Variants in ANKRD7 observed in about 807,000 individuals in gnomAD.
ANKRD7 encodes ankyrin repeat domain-containing protein 7.
In ANKRD7, 30 loss-of-function variants were observed where a neutral mutation model predicts 30.8. The ratio of observed to expected loss-of-function variants is 0.97; its 90% CI spans 0.73 to 1.32. The LOEUF (loss-of-function observed/expected upper bound fraction) is 1.32. ANKRD7 is among the 40% of genes most tolerant of loss of function. The pLI, the probability that ANKRD7 is intolerant of heterozygous loss-of-function variation, is 0.00. For synonymous variants in ANKRD7, 97 were observed against 106.6 expected (o/e 0.91, Z 0.55); for missense variants, 264 against 295.7 (o/e 0.89, Z 0.79).
Position 118,232,987 on chromosome 7 carries a change from ACTC to A in ANKRD7, c.180-1441_180-1439del, listed in dbSNP as rs571677007. The stretch of plus-strand genomic sequence containing the variant: ...TATGTTTGGATTGAGGGCTCTGAAA[ACTC>A]CTATTACATAAGGAATTTCATCCTT... On this transcript the variant is annotated intron_variant, in intron 1 of 6. Transcript: ENST00000265224. Among the ~76,000 whole-genome samples, 1,195 of 151,822 alleles carry A rather than the reference ACTC, an allele frequency of 7.9e-3. 5 individuals carry two copies. The highest frequency in any genetic ancestry group is 0.014 in the Non-Finnish European group (917 of 67,908).
At chr7:118,239,800 T>C (rs937921070) in intron 5 of ANKRD7, 109 bp from the exon 6 acceptor site, 2 of 541,136 alleles carry the variant, frequency 3.7e-6, no homozygotes, top group Non-Finnish European at 6.2e-6. Context: ...TCAAGTGTGT[T>C]ACATTCTTGG....
At position 118,234,813 on chromosome 7, in the gene ANKRD7, A is replaced by G. The variant is rs1232393953; in HGVS notation, c.407A>G (p.Gln136Arg). Residue 136 changes from glutamine to arginine, a missense_variant, in exon 3 of 7, where the codon CAA (glutamine) becomes CGA (arginine). Gln to Arg is a conservative substitution (Grantham distance 43). Coordinates refer to ENST00000265224, the MANE Select transcript of ANKRD7 (RefSeq NM_019644.4). ...NTVLHYAVCG[Q>R]SLSLVEKLLE... Reference sequence around the variant, plus strand: ...GTTCTTCACTATGCTGTTTGTGGTCAAAGTTTGTCATTAGTTGAAAAACTG... The same window carrying G: ...GTTCTTCACTATGCTGTTTGTGGTCGAAGTTTGTCATTAGTTGAAAAACTG... The G allele has an allele frequency of 1.9e-6, 3 of 1,612,596 alleles. No individual in the cohort carries two copies. The highest frequency in any genetic ancestry group is 1.7e-6 in the Non-Finnish European group (2 of 1,179,638).
In ANKRD7 at chr7:118,232,720, T is replaced by TGTGTGTGTG. The variant is rs1562872732; in HGVS notation, c.180-1711_180-1710insGTGTGTGTG. 4.7e-3 allele frequency among the ~76,000 whole-genome samples: 679 copies of TGTGTGTGTG among 146,006 alleles called. 5 individuals are homozygous for TGTGTGTGTG. The highest frequency in any genetic ancestry group is 0.015 in the African/African-American group (604 of 40,166). On this transcript the variant is annotated intron_variant, in intron 1 of 6. Transcript: ENST00000265224. ...CTTTCTCTTAGTAAGAGCAGTGTGT[T>TGTGTGTGTG]TGTGTGTGTGTGTGTGTGTGTGTGT...
intron 3 of ANKRD7, among the ~76,000 whole-genome samples, 154 bp downstream of exon 3, chr7:118,235,028 T>A (rs1224069324): frequency 2.0e-5 from 3 of 152,176 alleles, no homozygotes; most frequent in Non-Finnish European, 4.4e-5. Context: ...CAAAAACTGA[T>A]AAAATATTTC....
rs1809693404 is a variant in ANKRD7, at chr7:118,234,499, G to C, written c.248G>C (p.Cys83Ser). 4.3e-6 allele frequency: 7 copies of C among 1,613,118 alleles called. No individual in the cohort carries two copies. Among genetic ancestry groups the C allele is most frequent in the Middle Eastern group, 1.7e-4 (1 of 5,962 alleles). ...DVVLFLIEQQ[C>S]KINVRDSENK... Reference sequence around the variant, plus strand: ...GTACTTTTCCTAATTGAGCAACAATGCAAAATAAATGTCCGGGATAGTGAA... The same window carrying C: ...GTACTTTTCCTAATTGAGCAACAATCCAAAATAAATGTCCGGGATAGTGAA... The change falls in exon 2 of 7, where the codon TGC becomes TCC. Residue 83 changes from cysteine to serine, a missense_variant. Transcript: ENST00000265224.
In ANKRD7 at chr7:118,234,500, C is replaced by A; in HGVS notation, c.249C>A (p.Cys83Ter). 1 of 1,613,116 alleles carries A rather than the reference C, an allele frequency of 6.2e-7. No homozygotes were observed. Among genetic ancestry groups the A allele is most frequent in the South Asian group, 1.1e-5 (1 of 90,928 alleles). Residue 83 changes from cysteine (C) to a stop codon, truncating the protein, a stop_gained, in exon 2 of 7, where the codon TGC (cysteine) becomes TGA (stop). Transcript: ENST00000265224. LOFTEE classifies it high-confidence loss of function. ...TACTTTTCCTAATTGAGCAACAATG[C>A]AAAATAAATGTCCGGGATAGTGAAA... Reference protein sequence around the residue: ...DVVLFLIEQQCKINVRDSENK... With the variant: ...DVVLFLIEQQ
At chr7:118,228,918 T>C (rs1809587361) in intron 1 of ANKRD7, among the ~76,000 whole-genome samples, 1 of 152,210 alleles carries the variant, frequency 6.6e-6, no homozygotes, top group South Asian at 2.1e-4. Flanking sequence ...TCCTGTGTAA[T>C]GTATGTCAAA....
chr7:118,228,023 G>C (rs1003932291), intron 1 of ANKRD7: 1 of 1,305,578 alleles, frequency 7.7e-7, no homozygotes, highest in Non-Finnish European at 1.0e-6. Context: ...ACTTCATTCA[G>C]GGGTCAGTTT....
chr7:118,240,731 CTG>C (rs1253769362), intron 6 of ANKRD7, among the ~76,000 whole-genome samples: 1 of 151,900 alleles, frequency 6.6e-6, no homozygotes, highest in Non-Finnish European at 1.5e-5. Context: ...ACATTAAGCA[CTG>C]TTGATAGTAG....
chr7:118,236,230 G>GTGTGTGTC, intron 4 of ANKRD7, 83 bp downstream of exon 4: 1 of 769,810 alleles, frequency 1.3e-6, no homozygotes, highest in South Asian at 1.9e-5. Flanking sequence ...GTGTGTGTGT[G>GTGTGTGTC]TGTGTGTGTC....
intron 5 of ANKRD7, among the ~76,000 whole-genome samples, chr7:118,237,799 T>G (rs1809755075): frequency 6.6e-6 from 1 of 152,036 alleles, no homozygotes; most frequent in Admixed American, 6.5e-5. Context: ...AAATATAATA[T>G]TTTCATCTTC....
rs11552726 is a variant in ANKRD7 at position 118,234,477 on chromosome 7, C to T, written c.226C>T (p.Leu76Phe). The change falls in exon 2 of 7, where the codon CTT becomes TTT. Residue 76 changes from leucine to phenylalanine, a missense_variant. Leu to Phe is a conservative substitution (Grantham distance 22). Coordinates refer to ENST00000265224, the MANE Select transcript of ANKRD7 (RefSeq NM_019644.4). ...TGCTAATGGACATACAGATGTTGTA[C>T]TTTTCCTAATTGAGCAACAATGCAA... ...ACANGHTDVV[L>F]FLIEQQCKIN... is the part of the protein sequence containing the mutation. 1 of 1,613,232 alleles carries T rather than the reference C, an allele frequency of 6.2e-7. No homozygotes were observed. Among genetic ancestry groups the T allele is most frequent in the Non-Finnish European group, 8.5e-7 (1 of 1,179,672 alleles).
chr7:118,228,115 T>TG lies in ANKRD7; in HGVS notation c.179+3110dup, dbSNP rs1481895900. On this transcript the variant is annotated intron_variant, in intron 1 of 6. Transcript: ENST00000265224. Reference sequence around the variant, plus strand: ...TTTGAAATATTGTCTTTCAGAACACTGGGGCCATCTGGCATTTCTCCTAAT... The same window carrying TG: ...TTTGAAATATTGTCTTTCAGAACACTGGGGGCCATCTGGCATTTCTCCTAAT... 4.3e-6 allele frequency: 5 copies of TG among 1,166,538 alleles called. No individual in the cohort carries two copies. In the African/African-American group the frequency reaches 8.1e-5, roughly 19 times the overall value. The allele number at this position is 1,166,538 out of a possible 1,614,324, so 72.3% of individuals were successfully genotyped here.
intron 1 of ANKRD7, 75 bp downstream of exon 1, chr7:118,225,084 G>A (rs1809518570): frequency 2.0e-6 from 3 of 1,532,764 alleles, no homozygotes; most frequent in South Asian, 1.2e-5. Context: ...AGACAAGTGG[G>A]GGCTGTTTGA....
intron 1 of ANKRD7, chr7:118,227,997 C>T (rs1260840438): frequency 8.4e-6 from 11 of 1,312,434 alleles, no homozygotes; most frequent in South Asian, 3.6e-5. Context: ...ATAAGGTAAT[C>T]GATAACTTCA....
intron 1 of ANKRD7, among the ~76,000 whole-genome samples, chr7:118,225,495 A>G (rs543491257): frequency 6.6e-6 from 1 of 152,166 alleles, no homozygotes; most frequent in East Asian, 1.9e-4. Flanking sequence ...TCAAAAAAAA[A>G]AAAAAAAATT....
chr7:118,234,973 C>A, intron 3 of ANKRD7, 99 bp downstream of exon 3: 1 of 1,042,308 alleles, frequency 9.6e-7, no homozygotes. Flanking sequence ...TTATATAAAG[C>A]ATGAATTTTC....
At chr7:118,226,529 GA>G (rs566730820) in intron 1 of ANKRD7, among the ~76,000 whole-genome samples, 4 of 152,044 alleles carry the variant, frequency 2.6e-5, no homozygotes, top group Non-Finnish European at 2.9e-5. Context: ...GTTAGCAAAA[GA>G]AAAAAATGTT....
At chr7:118,230,350 A>G (rs1348639032) in intron 1 of ANKRD7, among the ~76,000 whole-genome samples, 2 of 151,894 alleles carry the variant, frequency 1.3e-5, no homozygotes, top group Non-Finnish European at 2.9e-5. Flanking sequence ...TATGTTCACT[A>G]TTTGGGTAAT....
Sources: allele counts gnomAD v4.1 joint callset (sites outside exome capture counted in the v4.1 genomes callset), GRCh38; gene constraint gnomAD v4.1.1; transcripts MANE v1.5; gene names NCBI Gene and HGNC (gene_info 2026-07-23, HGNC 2026-07-21).